ITGAE: variants seen among roughly 807,000 people sequenced by gnomAD.
The protein encoded by ITGAE is integrin subunit alpha E.
ITGAE carries 99 observed loss-of-function variants against 136.5 expected under a neutral mutation model. That is an observed-to-expected ratio of 0.73 (90% CI 0.62 to 0.86). The LOEUF (loss-of-function observed/expected upper bound fraction) is 0.86, where lower values mean the gene tolerates loss of function less well. ITGAE is among the 40% of genes least tolerant of loss of function. ITGAE has a pLI of 0.00. For synonymous variants in ITGAE, 613 were observed against 591.8 expected, an observed-to-expected ratio of 1.04 and a Z score of -0.52; for missense variants, 1,447 against 1,515.3, an observed-to-expected ratio of 0.95 and a Z score of 0.75.
intron 2 of ITGAE, among the ~76,000 whole-genome samples, chr17:3,771,839 G>T (rs2052431492): frequency 6.6e-6 from 1 of 152,130 alleles, no homozygotes. Context: ...GCCCAGCCGG[G>T]TGTGCATTCT....
intron 2 of ITGAE, among the ~76,000 whole-genome samples, chr17:3,766,012 C>T (rs371532901): frequency 2.0e-5 from 3 of 152,106 alleles, no homozygotes; most frequent in East Asian, 1.9e-4. Flanking sequence ...AAAGGGACTT[C>T]GTAGATGTGA....
intron 8 of ITGAE, 76 bp from the exon 9 acceptor site, chr17:3,757,935 TGA>T: frequency 6.6e-7 from 1 of 1,519,948 alleles, no homozygotes. Context: ...CTTTATTCTC[TGA>T]CCTGTATTAG....
At chr17:3,755,766 A>T in intron 11 of ITGAE, 64 bp downstream of exon 11, 1 of 1,425,392 alleles carries the variant, frequency 7.0e-7, no homozygotes, top group South Asian at 1.2e-5. Flanking sequence ...GAGTCCCTGA[A>T]TCCTAGGTGT....
At chr17:3,796,097 G>GTGTGTGCATCCC (rs1208019093) in intron 1 of ITGAE, among the ~76,000 whole-genome samples, 1 of 85,030 alleles carries the variant, frequency 1.2e-5, no homozygotes, top group Non-Finnish European at 2.2e-5. Context: ...ATGCATCCGT[G>GTGTGTGCATCCC]TGTGTGCATC....
intron 2 of ITGAE, among the ~76,000 whole-genome samples, chr17:3,775,607 C>G (rs2052521180): frequency 6.6e-6 from 1 of 151,758 alleles, no homozygotes; most frequent in Non-Finnish European, 1.5e-5. Context: ...TTACAGGCGC[C>G]CGCCACCACA....
In ITGAE at chr17:3,726,021, G is replaced by T. The variant is rs763401727; in HGVS notation, c.3084+1898C>A. ...CTACACCCTGTCGCGCTTGGAACGGGATGGGATTGTGGTTTTCTGTGACGT... is the reference window on the plus strand; with the variant it reads ...CTACACCCTGTCGCGCTTGGAACGGTATGGGATTGTGGTTTTCTGTGACGT... On this transcript the variant is annotated intron_variant, in intron 26 of 30. Coordinates refer to ENST00000263087, the MANE Select transcript of ITGAE (RefSeq NM_002208.5). The T allele has an allele frequency of 1.9e-6, 3 of 1,614,002 alleles. No individual in the cohort carries two copies. In the Admixed American group the frequency reaches 5.0e-5, roughly 27 times the overall value.
chr17:3,753,469 C>T, intron 13 of ITGAE, 39 bp from the exon 14 acceptor site: 1 of 1,602,850 alleles, frequency 6.2e-7, no homozygotes, highest in Non-Finnish European at 8.5e-7. Flanking sequence ...AGGAGCCCCG[C>T]TCCTGCACCC....
At position 3,760,986 on chromosome 17, in the gene ITGAE, G is replaced by T. The variant is rs1260738649; in HGVS notation, c.598+27C>A. 8 of 1,588,446 alleles carry T rather than the reference G, an allele frequency of 5.0e-6. No homozygotes were observed. The African/African-American group carries it at 9.4e-5, about 19-fold the overall frequency. ...CTAGGAATTGGCTCTGATAGACTCA[G>T]AGCAACCCAGATCTGCCTCTTCTCA... On this transcript the variant is annotated intron_variant, in intron 6 of 30. Coordinates refer to ENST00000263087, the MANE Select transcript of ITGAE (RefSeq NM_002208.5).
chr17:3,779,901 C>T (rs1309505134), intron 1 of ITGAE, among the ~76,000 whole-genome samples: 3 of 152,168 alleles, frequency 2.0e-5, no homozygotes, highest in African/African-American at 7.2e-5. Flanking sequence ...TTTATCTCCC[C>T]CAGTGTTGCC....
intron 28 of ITGAE, among the ~76,000 whole-genome samples, chr17:3,721,134 G>C (rs922749063): frequency 6.6e-6 from 1 of 151,770 alleles, no homozygotes; most frequent in African/African-American, 2.4e-5. Context: ...TTACCATGTT[G>C]CCCAGGCTGG....
In ITGAE at chr17:3,798,119, C is replaced by T. The variant is rs982274662; in HGVS notation, c.34+2992G>A. On this transcript the variant is annotated intron_variant, in intron 1 of 30. Coordinates refer to ENST00000263087, the MANE Select transcript of ITGAE (RefSeq NM_002208.5). This position sits in a 1 kb window ranked among gnomAD's most constrained non-coding sequence, Gnocchi z 4.3. The stretch of plus-strand genomic sequence containing the variant: ...AGGGCAGGGATGTGGGGCTCCCACA[C>T]GGCCCACACTCCCCCAGCCAGCTCT... Among the ~76,000 whole-genome samples the T allele has an allele frequency of 6.6e-6, 1 of 152,162 alleles. No homozygotes were observed. The highest frequency in any genetic ancestry group is 2.1e-4 in the South Asian group (1 of 4,830).
chr17:3,760,429 GCTTT>G, intron 6 of ITGAE, 142 bp from the exon 7 acceptor site: 1 of 60,714 alleles, frequency 1.6e-5, no homozygotes, highest in South Asian at 2.3e-4. Flanking sequence ...CAAGAGGGAA[GCTTT>G]TTTTTTTTTT....
rs1288936408 is a variant in ITGAE, at chr17:3,799,821, G to GT, written c.34+1289dup. On this transcript the variant is annotated intron_variant, in intron 1 of 30. Transcript: ENST00000263087. This position sits in a 1 kb window ranked among gnomAD's most constrained non-coding sequence, Gnocchi z 4.1. ...ACCTTTCCATGGTGACTATTCTGAT[G>GT]TTTTTGAAATATAAAATATTAGGCC... Among the ~76,000 whole-genome samples, 1 of 152,192 alleles carries GT rather than the reference G, an allele frequency of 6.6e-6. No homozygotes were observed. The highest frequency in any genetic ancestry group is 2.4e-5 in the African/African-American group (1 of 41,446).
At chr17:3,750,570 C>T (rs545773815) in intron 15 of ITGAE, 88 bp from the exon 16 acceptor site, 659 of 1,492,172 alleles carry the variant, frequency 4.4e-4, no homozygotes, top group Middle Eastern at 1.1e-3. Context: ...CGATCAGCAT[C>T]GCAGGCACCA....
intron 16 of ITGAE, among the ~76,000 whole-genome samples, chr17:3,748,667 G>A (rs997615296): frequency 1.3e-5 from 2 of 152,188 alleles, no homozygotes; most frequent in African/African-American, 4.8e-5. Flanking sequence ...CTGATGAGGA[G>A]GCATTTCGGT....
chr17:3,785,792 GA>G (rs139454793), intron 1 of ITGAE, among the ~76,000 whole-genome samples: 49 of 137,596 alleles, frequency 3.6e-4, no homozygotes, highest in Middle Eastern at 7.3e-3. Context: ...TACTGAACAA[GA>G]AAAAAAAAAG....
At chr17:3,737,094 A>G (rs981146297) in intron 20 of ITGAE, among the ~76,000 whole-genome samples, 1 of 152,102 alleles carries the variant, frequency 6.6e-6, no homozygotes, top group African/African-American at 2.4e-5. Flanking sequence ...AGAGTTCAAG[A>G]CCAGCCTGGC....
rs1567754836 is a variant in ITGAE, at chr17:3,723,286, ACCT to A, written c.3236_3237+1del. On this transcript the variant is annotated splice_donor_variant and coding_sequence_variant, in exon 28 of 31. Transcript: ENST00000263087. LOFTEE classifies it high-confidence loss of function. Reference sequence around the variant, plus strand: ...AATCTGGAGCATTTCAGTCTCAAACACCTCCTCAGAGTGATCCCAGGAGATCTC... The same window carrying A: ...AATCTGGAGCATTTCAGTCTCAAACACCTCAGAGTGATCCCAGGAGATCTC... 1.2e-6 allele frequency: 2 copies of A among 1,600,852 alleles called. No individual in the cohort carries two copies. Among genetic ancestry groups the A allele is most frequent in the Non-Finnish European group, 1.7e-6 (2 of 1,168,078 alleles).
chr17:3,790,721 C>T (rs750027228), intron 1 of ITGAE, among the ~76,000 whole-genome samples: 3 of 152,158 alleles, frequency 2.0e-5, no homozygotes, highest in Non-Finnish European at 2.9e-5. Flanking sequence ...CTGCAACACA[C>T]GTGACCAAAC....
Sources: allele counts gnomAD v4.1 joint callset (sites outside exome capture counted in the v4.1 genomes callset), GRCh38; gene constraint gnomAD v4.1.1; non-coding constraint Gnocchi (gnomAD v3.1); transcripts MANE v1.5; gene names NCBI Gene and HGNC (gene_info 2026-07-23, HGNC 2026-07-21).